RBM28: variants seen among roughly 807,000 people sequenced by gnomAD.
RBM28 encodes RNA binding motif protein 28, also known as RNA-binding protein 28.
In RBM28, 78 loss-of-function variants were observed where a neutral mutation model predicts 98.3. The observed-to-expected ratio is 0.79, with a 90% CI of 0.66 to 0.96. The LOEUF is 0.96. RBM28 is among the 40% of genes least tolerant of loss of function. The pLI, the probability that RBM28 is intolerant of heterozygous loss-of-function variation, is 0.00. For missense variants in RBM28, 838 were observed against 913.0 expected (o/e 0.92, Z 1.06); for synonymous variants, 306 against 330.9 (o/e 0.92, Z 0.82).
chr7:128,338,150 A>ATT (rs1238819341), intron 5 of RBM28, 100 bp downstream of exon 5: 26 of 861,496 alleles, frequency 3.0e-5, no homozygotes, highest in Non-Finnish European at 4.3e-5. Context: ...GACTCTTAAT[A>ATT]ATGCAAACAT....
rs550661366 is a variant in RBM28, at chr7:128,308,315, G to T, written c.*2482C>A. 2.6e-4 allele frequency: 40 copies of T among 152,292 alleles called. No homozygotes were observed. The highest frequency in any genetic ancestry group is 9.6e-4 in the African/African-American group (40 of 41,550). The allele number at this position is 152,292 out of a possible 1,614,324, so 9.4% of individuals were successfully genotyped here. ...TGTTATCTGAATGAACACCAATTTT[G>T]ATCTATCCTAAGTGTTAAGATATAT... On this transcript the variant is annotated 3_prime_UTR_variant, in exon 19 of 19. Coordinates refer to ENST00000223073, the MANE Select transcript of RBM28 (RefSeq NM_018077.3).
intron 9 of RBM28, among the ~76,000 whole-genome samples, chr7:128,331,191 C>T (rs1033927978): frequency 5.0e-4 from 76 of 152,190 alleles, no homozygotes; most frequent in African/African-American, 1.8e-3. Context: ...AACAGCGGTG[C>T]CCCCCACTAG....
intron 10 of RBM28, 53 bp from the exon 11 acceptor site, chr7:128,325,944 A>C: frequency 7.2e-7 from 1 of 1,397,482 alleles, no homozygotes; most frequent in Non-Finnish European, 1.0e-6. Context: ...AGATAAACCA[A>C]AGACAACATT....
intron 8 of RBM28, among the ~76,000 whole-genome samples, chr7:128,334,336 T>G (rs76711729): frequency 0.029 from 4,411 of 152,326 alleles, 193 homozygotes; most frequent in African/African-American, 0.1. Context: ...ATCATTATCA[T>G]TTATCTGTCC....
intron 10 of RBM28, among the ~76,000 whole-genome samples, 162 bp downstream of exon 10, chr7:128,330,657 C>A (rs888655703): frequency 6.6e-6 from 1 of 152,126 alleles, no homozygotes. Context: ...CAGGCGTGAG[C>A]CAGCGTGCCC....
intron 5 of RBM28, among the ~76,000 whole-genome samples, chr7:128,337,839 G>A (rs188999788): frequency 1.2e-3 from 180 of 152,214 alleles, no homozygotes; most frequent in Non-Finnish European, 2.2e-3. Context: ...AGGATTACAG[G>A]TGTGAGCCAC....
At chr7:128,320,028 G>A (rs1796188398) in intron 14 of RBM28, among the ~76,000 whole-genome samples, 2 of 151,934 alleles carry the variant, frequency 1.3e-5, no homozygotes. Flanking sequence ...GACCATCTTG[G>A]CAACATGGTG....
Position 128,307,003 on chromosome 7 carries a change from T to C in RBM28, c.*3794A>G, listed in dbSNP as rs192809943. 3 of 152,370 alleles carry C rather than the reference T, an allele frequency of 2.0e-5. No individual in the cohort carries two copies. The highest frequency in any genetic ancestry group is 6.5e-5 in the Admixed American group (1 of 15,304). 9.4% of individuals were successfully genotyped at this position (152,370 alleles called of 1,614,324 possible). A position where few individuals can be genotyped will look rare whatever the true frequency, so the allele number is the denominator to read the frequency against. ...GAATAACTTCTAAACTGGTCAGCCT[T>C]GGACAAAAGGAAATCTGGAAATCTC... On this transcript the variant is annotated 3_prime_UTR_variant, in exon 19 of 19. Coordinates refer to ENST00000223073, the MANE Select transcript of RBM28 (RefSeq NM_018077.3).
intron 3 of RBM28, 25 bp from the exon 4 acceptor site, chr7:128,338,826 A>G (rs770596633): frequency 2.0e-6 from 3 of 1,493,438 alleles, no homozygotes; most frequent in Non-Finnish European, 2.8e-6. Context: ...GAAGAAAGAA[A>G]AAGAGAAACA....
At chr7:128,333,911 A>T (rs948301828) in intron 8 of RBM28, among the ~76,000 whole-genome samples, 11 of 152,240 alleles carry the variant, frequency 7.2e-5, no homozygotes, top group Non-Finnish European at 1.3e-4. Context: ...ACATTTCCAT[A>T]TACTACTATG....
chr7:128,321,691 A>G (rs1478252900), intron 13 of RBM28, among the ~76,000 whole-genome samples: 2 of 152,098 alleles, frequency 1.3e-5, no homozygotes, highest in Non-Finnish European at 2.9e-5. Context: ...TAAAGCCACA[A>G]TTTTTCATCT....
intron 10 of RBM28, among the ~76,000 whole-genome samples, chr7:128,330,052 G>GA (rs531115353): frequency 1.5e-4 from 23 of 150,442 alleles, no homozygotes; most frequent in African/African-American, 5.6e-4. Flanking sequence ...ATAGCTTTTG[G>GA]AAAAAAAAAG....
intron 1 of RBM28, 77 bp from the exon 2 acceptor site, chr7:128,339,868 G>T: frequency 6.7e-7 from 1 of 1,485,248 alleles, no homozygotes. Flanking sequence ...AGCACTAAAT[G>T]AGTAAATCCT....
At chr7:128,322,375 GT>G (rs1213138619) in intron 13 of RBM28, among the ~76,000 whole-genome samples, 1 of 151,614 alleles carries the variant, frequency 6.6e-6, no homozygotes, top group African/African-American at 2.4e-5. Context: ...CTCCCAATTA[GT>G]TTTTTTTAAA....
At chr7:128,334,026 T>A (rs1314673081) in intron 8 of RBM28, among the ~76,000 whole-genome samples, 2 of 152,238 alleles carry the variant, frequency 1.3e-5, no homozygotes, top group Non-Finnish European at 2.9e-5. Context: ...ACATTTTGAA[T>A]GTGTATATGT....
chr7:128,324,531 G>C, intron 12 of RBM28, 28 bp downstream of exon 12: 1 of 1,614,122 alleles, frequency 6.2e-7, no homozygotes, highest in Non-Finnish European at 8.5e-7. Flanking sequence ...CAGGTACTTA[G>C]AAGTGTGGGT....
rs571775446 is a variant in RBM28 at position 128,302,645 on chromosome 7, A to G, written c.*8152T>C. 6 of 152,266 alleles carry G rather than the reference A, an allele frequency of 3.9e-5. No individual in the cohort carries two copies. Among genetic ancestry groups the G allele is most frequent in the Non-Finnish European group, 5.9e-5 (4 of 68,066 alleles). The allele number at this position is 152,266 out of a possible 1,614,324, so 9.4% of individuals were successfully genotyped here. A position where few individuals can be genotyped will look rare whatever the true frequency, so the allele number is the denominator to read the frequency against. ...TTTTTCACCTATTAGTATGTATATG[A>G]GTACATTTGGCTTGTGGTAGATCAG... On this transcript the variant is annotated 3_prime_UTR_variant, in exon 19 of 19. Coordinates refer to ENST00000223073, the MANE Select transcript of RBM28 (RefSeq NM_018077.3).
intron 10 of RBM28, among the ~76,000 whole-genome samples, chr7:128,329,982 T>A (rs762953741): frequency 1.3e-5 from 2 of 150,898 alleles, no homozygotes; most frequent in African/African-American, 4.9e-5. Context: ...GTTGGAAAGA[T>A]GTTTACCTAA....
Position 128,307,259 on chromosome 7 carries a change from C to T in RBM28, c.*3538G>A, listed in dbSNP as rs1483599641. ...GAATTGGCAGCTGCCTGTCACTTCA[C>T]AGTGGGTCACATGAATATGAAGCAG... On this transcript the variant is annotated 3_prime_UTR_variant, in exon 19 of 19. Transcript: ENST00000223073. 6.6e-6 allele frequency: 1 copy of T among 152,236 alleles called. No individual in the cohort carries two copies. The highest frequency in any genetic ancestry group is 1.5e-5 in the Non-Finnish European group (1 of 68,046). The allele number at this position is 152,236 out of a possible 1,614,324, so 9.4% of individuals were successfully genotyped here.
Sources: allele counts gnomAD v4.1 joint callset (sites outside exome capture counted in the v4.1 genomes callset), GRCh38; gene constraint gnomAD v4.1.1; transcripts MANE v1.5; gene names NCBI Gene and HGNC (gene_info 2026-07-23, HGNC 2026-07-21).